ARID4A: variants seen among roughly 807,000 people sequenced by gnomAD.
The protein encoded by ARID4A is AT-rich interactive domain-containing protein 4A.
Under a neutral mutation model 148.6 loss-of-function variants are expected in ARID4A, and 39 were observed. The ratio of observed to expected loss-of-function variants is 0.26; its 90% confidence interval spans 0.20 to 0.34. ARID4A has a LOEUF of 0.34. ARID4A is among the 10% of genes least tolerant of loss of function. The pLI, the probability that ARID4A is intolerant of heterozygous loss-of-function variation, is 1.00. For missense variants in ARID4A, 1,265 were observed against 1,449.1 expected (o/e 0.87, Z 2.06); for synonymous variants, 475 against 481.2 (o/e 0.99, Z 0.17).
At chr14:58,364,098 G>C in intron 19 of ARID4A, 72 bp from the exon 20 acceptor site, 1 of 812,006 alleles carries the variant, frequency 1.2e-6, no homozygotes, top group Non-Finnish European at 1.7e-6. Flanking sequence ...GTTATTTTTG[G>C]TAAGATTTTT....
chr14:58,305,379 C>T (rs1218617324), intron 4 of ARID4A, among the ~76,000 whole-genome samples: 3 of 152,048 alleles, frequency 2.0e-5, no homozygotes, highest in South Asian at 2.1e-4. Context: ...TCTAATTTAC[C>T]AAGTAAACTA....
At position 58,364,246 on chromosome 14, in the gene ARID4A, T is replaced by G. The variant is rs1304307519; in HGVS notation, c.2157T>G (p.Asp719Glu). 6.5e-7 allele frequency: 1 copy of G among 1,530,328 alleles called. No homozygotes were observed. The allele number at this position is 1,530,328 out of a possible 1,614,324, so 94.8% of individuals were successfully genotyped here. A position where few individuals can be genotyped will look rare whatever the true frequency, so the allele number is the denominator to read the frequency against. Residue 719 changes from aspartate to glutamate, a missense_variant, in exon 20 of 24, where the codon GAT becomes GAG. By Grantham distance (45) the Asp-to-Glu change is conservative. Transcript: ENST00000355431. ...NLINEELSLK[D>E]ELEKNENLND... Reference sequence around the variant, plus strand: ...TAAATGAAGAACTTTCTCTTAAAGATGAACTAGAAAAAAATGAAAATTTGA... The same window carrying G: ...TAAATGAAGAACTTTCTCTTAAAGAGGAACTAGAAAAAAATGAAAATTTGA...
chr14:58,371,865 A>G, intron 23 of ARID4A, 21 bp from the exon 24 acceptor site: 2 of 1,580,980 alleles, frequency 1.3e-6, no homozygotes, highest in Admixed American at 1.7e-5. Flanking sequence ...TGGATCTAAC[A>G]TAGTTGTTTT....
At chr14:58,349,020 C>T (rs1465996962) in intron 15 of ARID4A, among the ~76,000 whole-genome samples, 2 of 152,138 alleles carry the variant, frequency 1.3e-5, no homozygotes, top group Admixed American at 1.3e-4. Flanking sequence ...CTCCTCATTC[C>T]TCCCCAACCC....
intron 5 of ARID4A, among the ~76,000 whole-genome samples, chr14:58,307,862 TAAGTA>T (rs1395776833): frequency 6.6e-6 from 1 of 152,216 alleles, no homozygotes; most frequent in Non-Finnish European, 1.5e-5. Flanking sequence ...TCTTAGAGAT[TAAGTA>T]AATACATCTT....
intron 2 of ARID4A, 28 bp from the exon 3 acceptor site, chr14:58,301,552 A>T (rs368674482): frequency 6.5e-7 from 1 of 1,541,658 alleles, no homozygotes; most frequent in Admixed American, 1.7e-5. Context: ...TAGTAATGAC[A>T]TTCACAGTTT....
intron 15 of ARID4A, 112 bp from the exon 16 acceptor site, chr14:58,350,961 C>T (rs1193333987): frequency 1.8e-6 from 2 of 1,090,760 alleles, no homozygotes; most frequent in Non-Finnish European, 2.5e-6. Flanking sequence ...GTTTTCAGGG[C>T]CACGTTTCAA....
chr14:58,321,549 C>A (rs1367614692), intron 7 of ARID4A, among the ~76,000 whole-genome samples: 1 of 152,034 alleles, frequency 6.6e-6, no homozygotes. Flanking sequence ...CCTGCGCCAA[C>A]CCTGGAATTG....
Position 58,372,671 on chromosome 14 carries a change from A to G in ARID4A, c.*682A>G, listed in dbSNP as rs1640032715. 1.1e-5 allele frequency: 2 copies of G among 189,056 alleles called. No homozygotes were observed. The highest frequency in any genetic ancestry group is 4.7e-5 in the African/African-American group (2 of 43,010). The allele number at this position is 189,056 out of a possible 1,614,324, so 11.7% of individuals were successfully genotyped here. ...ATTAATGTTTACAGTGGAATTGTGA[A>G]TAAGTTTTCAGTGGACTATCTTATC... On this transcript the variant is annotated 3_prime_UTR_variant, in exon 24 of 24. Coordinates refer to ENST00000355431, the MANE Select transcript of ARID4A (RefSeq NM_002892.4).
chr14:58,331,778 G>C (rs369573707), intron 11 of ARID4A, among the ~76,000 whole-genome samples: 1 of 152,116 alleles, frequency 6.6e-6, no homozygotes, highest in Admixed American at 6.5e-5. Context: ...AATATTAAAT[G>C]TGATTTTTGT....
At chr14:58,321,140 TA>T (rs1423112265) in intron 7 of ARID4A, among the ~76,000 whole-genome samples, 1 of 152,214 alleles carries the variant, frequency 6.6e-6, no homozygotes, top group African/African-American at 2.4e-5. Flanking sequence ...TTACTATAGT[TA>T]CCGTTTTTCC....
At chr14:58,339,910 C>A (rs1418937859) in intron 11 of ARID4A, among the ~76,000 whole-genome samples, 1 of 151,816 alleles carries the variant, frequency 6.6e-6, no homozygotes, top group East Asian at 1.9e-4. Context: ...TATACACTTT[C>A]AAGCAACCAG....
intron 11 of ARID4A, among the ~76,000 whole-genome samples, chr14:58,335,664 C>T (rs1594917095): frequency 6.6e-6 from 1 of 152,070 alleles, no homozygotes; most frequent in Admixed American, 6.6e-5. Context: ...TGCAAGACTG[C>T]GTTCATCTTC....
intron 1 of ARID4A, among the ~76,000 whole-genome samples, chr14:58,298,928 T>G (rs1179601788): frequency 6.6e-6 from 1 of 152,108 alleles, no homozygotes; most frequent in Non-Finnish European, 1.5e-5. Flanking sequence ...TTCCTCGGGT[T>G]CCCGGGAAAA....
chr14:58,341,901 G>C (rs1208024787), intron 11 of ARID4A, among the ~76,000 whole-genome samples: 3 of 152,208 alleles, frequency 2.0e-5, no homozygotes, highest in Admixed American at 1.3e-4. Flanking sequence ...AGAAGTCTCA[G>C]ATGGTCTAGT....
intron 9 of ARID4A, among the ~76,000 whole-genome samples, chr14:58,328,967 T>C (rs1197406885): frequency 6.8e-6 from 1 of 147,510 alleles, no homozygotes; most frequent in African/African-American, 2.5e-5. Flanking sequence ...CACTCCAGCC[T>C]GACGACAGAG....
intron 17 of ARID4A, among the ~76,000 whole-genome samples, chr14:58,357,302 T>TC (rs2034920535): frequency 6.6e-6 from 1 of 152,202 alleles, no homozygotes; most frequent in African/African-American, 2.4e-5. Context: ...TTTCAATTTG[T>TC]GATGAGTTTA....
Position 58,345,463 on chromosome 14 carries a change from T to C in ARID4A, c.979+696T>C, listed in dbSNP as rs541237545. On this transcript the variant is annotated intron_variant, in intron 12 of 23. Transcript: ENST00000355431. ...CTTGTTCTCAGCAAATTAAACATAA[T>C]AGGAGACCAATCGTTATCTGAAAAA... Among the ~76,000 whole-genome samples, 5 of 152,254 alleles carry C rather than the reference T, an allele frequency of 3.3e-5. No individual in the cohort carries two copies. In the South Asian group the frequency reaches 1.0e-3, roughly 32 times the overall value.
chr14:58,365,409 T>C, intron 20 of ARID4A, 109 bp downstream of exon 20: 1 of 1,417,544 alleles, frequency 7.1e-7, no homozygotes, highest in Non-Finnish European at 9.5e-7. Context: ...TTTTCTCTCT[T>C]CTTTTCTTAT....
Sources: allele counts gnomAD v4.1 joint callset (sites outside exome capture counted in the v4.1 genomes callset), GRCh38; gene constraint gnomAD v4.1.1; transcripts MANE v1.5; gene names NCBI Gene and HGNC (gene_info 2026-07-23, HGNC 2026-07-21).